The following CNTNAP2 variants were observed in gnomAD, a reference collection of about 807,000 sequenced individuals.
CNTNAP2 encodes the protein contactin-associated protein-like 2.
A neutral mutation model predicts 155.2 loss-of-function variants in CNTNAP2; 98 were observed. That is an observed-to-expected ratio of 0.63 (90% CI 0.54 to 0.75). The LOEUF (loss-of-function observed/expected upper bound fraction) is 0.75, where lower values mean the gene tolerates loss of function less well. Ranked by LOEUF, CNTNAP2 falls within the 30% of genes least tolerant of loss-of-function variation. The probability of loss-of-function intolerance (pLI) is 0.00; values close to 1 mark genes in which losing one functional copy is unlikely to be tolerated. For synonymous variants in CNTNAP2, 651 were observed against 631.2 expected, an observed-to-expected ratio of 1.03 and a Z score of -0.47; for missense variants, 1,727 against 1,688.1, an observed-to-expected ratio of 1.02 and a Z score of -0.40.
intron 1 of CNTNAP2, among the ~76,000 whole-genome samples, chr7:146,461,555 T>A (rs1383411356): frequency 6.6e-6 from 1 of 152,218 alleles, no homozygotes; most frequent in African/African-American, 2.4e-5. Context: ...TAAATGTGAT[T>A]CTCACAGAAA....
At chr7:146,736,930 T>C (rs1801630728) in intron 1 of CNTNAP2, among the ~76,000 whole-genome samples, 1 of 152,048 alleles carries the variant, frequency 6.6e-6, no homozygotes, top group Non-Finnish European at 1.5e-5. Flanking sequence ...TACACACATA[T>C]ATATATATAA....
At chr7:148,278,421 T>C (rs1365449263) in intron 21 of CNTNAP2, among the ~76,000 whole-genome samples, 5 of 151,558 alleles carry the variant, frequency 3.3e-5, no homozygotes, top group African/African-American at 1.2e-4. Flanking sequence ...CAAAAAAAAA[T>C]TAGCCGGGCG....
At position 148,187,411 on chromosome 7, in the gene CNTNAP2, G is replaced by A. The variant is rs756195606; in HGVS notation, c.3010+14933G>A. 7.9e-5 allele frequency among the ~76,000 whole-genome samples: 12 copies of A among 152,276 alleles called. No individual in the cohort carries two copies. In the Middle Eastern group the frequency reaches 0.01, roughly 129 times the overall value. ...GCAGGGTAAACACAGGCCATGCCCTGTAAGTTTTCTTATTGATGAAATTCA... is the reference window on the plus strand; with the variant it reads ...GCAGGGTAAACACAGGCCATGCCCTATAAGTTTTCTTATTGATGAAATTCA... On this transcript the variant is annotated intron_variant, in intron 18 of 23. Transcript: ENST00000361727.
At chr7:146,592,169 A>C (rs777844431) in intron 1 of CNTNAP2, among the ~76,000 whole-genome samples, 23 of 152,086 alleles carry the variant, frequency 1.5e-4, no homozygotes, top group Non-Finnish European at 3.4e-4. Context: ...AGGATGGAAA[A>C]TCTCTGTGGC....
chr7:147,951,641 C>T (rs1043444856), intron 14 of CNTNAP2, among the ~76,000 whole-genome samples: 1 of 151,776 alleles, frequency 6.6e-6, no homozygotes, highest in African/African-American at 2.4e-5. Flanking sequence ...AAAGTCAGAG[C>T]TAGACCTTGG....
chr7:147,741,887 C>T (rs1446556357), intron 13 of CNTNAP2, among the ~76,000 whole-genome samples: 2 of 152,066 alleles, frequency 1.3e-5, no homozygotes, highest in Non-Finnish European at 2.9e-5. Flanking sequence ...TCTCATGCTG[C>T]TGATAAAGAC....
chr7:147,036,624 T>C (rs1198369178), intron 3 of CNTNAP2, among the ~76,000 whole-genome samples: 1 of 152,132 alleles, frequency 6.6e-6, no homozygotes, highest in Non-Finnish European at 1.5e-5. Flanking sequence ...AGCCAGAACA[T>C]GAAATTCACA....
intron 9 of CNTNAP2, among the ~76,000 whole-genome samples, chr7:147,391,459 C>T (rs920849267): frequency 6.6e-6 from 1 of 152,120 alleles, no homozygotes; most frequent in African/African-American, 2.4e-5. Flanking sequence ...TGTCCCAACT[C>T]TGTCCCTTTC....
rs188287563 is a variant in CNTNAP2 at position 147,172,151 on chromosome 7, G to A, written c.1348+39642G>A. On this transcript the variant is annotated intron_variant, in intron 8 of 23. Transcript: ENST00000361727. ...GATTTTGAAGATAAGCAGATTTCTC[G>A]ATGACTATTTAATGCATACCAATAA... Among the ~76,000 whole-genome samples the A allele has an allele frequency of 6.6e-5, 10 of 152,162 alleles. No individual in the cohort carries two copies. The East Asian group carries it at 1.5e-3, about 24-fold the overall frequency.
chr7:147,419,162 C>T (rs930326869), intron 10 of CNTNAP2, among the ~76,000 whole-genome samples: 2 of 152,176 alleles, frequency 1.3e-5, no homozygotes, highest in Non-Finnish European at 2.9e-5. Context: ...CTGAAGTGTA[C>T]GGTTTCAGAG....
rs545322629 is a variant in CNTNAP2, at chr7:147,610,465, C to T, written c.1898-28641C>T. Among the ~76,000 whole-genome samples the T allele has an allele frequency of 6.6e-5, 10 of 152,288 alleles. No homozygotes were observed. The South Asian group carries it at 1.4e-3, about 22-fold the overall frequency. ...CAGAAAAAGCTCCTCACTGCATTTGCTGTTCTCCAGGTGCCCTCAGTTTGA... is the reference window on the plus strand; with the variant it reads ...CAGAAAAAGCTCCTCACTGCATTTGTTGTTCTCCAGGTGCCCTCAGTTTGA... On this transcript the variant is annotated intron_variant, in intron 12 of 23. Coordinates refer to ENST00000361727, the MANE Select transcript of CNTNAP2 (RefSeq NM_014141.6).
intron 1 of CNTNAP2, among the ~76,000 whole-genome samples, chr7:146,190,765 A>G (rs1562983747): frequency 1.3e-5 from 2 of 152,326 alleles, no homozygotes; most frequent in Admixed American, 1.3e-4. Context: ...CACAGCACCA[A>G]TAGTGACAGT....
intron 15 of CNTNAP2, among the ~76,000 whole-genome samples, chr7:148,012,634 C>T (rs1339135210): frequency 6.6e-6 from 1 of 152,182 alleles, no homozygotes; most frequent in Admixed American, 6.5e-5. Context: ...AATGAAACCT[C>T]ATAAGTAAAT....
At chr7:147,553,878 C>T (rs528478335) in intron 11 of CNTNAP2, among the ~76,000 whole-genome samples, 80 of 152,232 alleles carry the variant, frequency 5.3e-4, no homozygotes, top group African/African-American at 1.5e-3. Flanking sequence ...AGGAGAATCG[C>T]TTGAACCCGG....
At chr7:148,414,082 T>C (rs1799919608) in intron 23 of CNTNAP2, among the ~76,000 whole-genome samples, 2 of 127,748 alleles carry the variant, frequency 1.6e-5, no homozygotes, top group South Asian at 2.6e-4. Flanking sequence ...TTTTCCATTT[T>C]TTTTTTTTAG....
intron 10 of CNTNAP2, among the ~76,000 whole-genome samples, chr7:147,482,943 G>A (rs1798449413): frequency 2.0e-5 from 3 of 151,184 alleles, no homozygotes; most frequent in Admixed American, 2.0e-4. Flanking sequence ...CTACTTGGGT[G>A]GCTGAGGCAG....
intron 12 of CNTNAP2, among the ~76,000 whole-genome samples, chr7:147,621,709 C>G (rs1794859976): frequency 6.6e-6 from 1 of 151,458 alleles, no homozygotes; most frequent in African/African-American, 2.4e-5. Flanking sequence ...TAAAGGAGGA[C>G]AGGAAGAAAG....
At chr7:147,824,939 C>T (rs1032354086) in intron 13 of CNTNAP2, among the ~76,000 whole-genome samples, 3 of 151,894 alleles carry the variant, frequency 2.0e-5, no homozygotes. Flanking sequence ...TTTTGCTTAA[C>T]GTGGATTGAG....
intron 8 of CNTNAP2, among the ~76,000 whole-genome samples, chr7:147,292,458 GA>G (rs1477911318): frequency 6.6e-6 from 1 of 151,902 alleles, no homozygotes; most frequent in African/African-American, 2.4e-5. Context: ...AATATTTAAG[GA>G]TTTTTTTTGC....
Sources: allele counts gnomAD v4.1 joint callset (sites outside exome capture counted in the v4.1 genomes callset), GRCh38; gene constraint gnomAD v4.1.1; transcripts MANE v1.5; gene names NCBI Gene and HGNC (gene_info 2026-07-23, HGNC 2026-07-21).